FBXW11: variants seen among roughly 807,000 people sequenced by gnomAD.
FBXW11 encodes F-box and WD repeat domain containing 11.
FBXW11 carries 19 observed loss-of-function variants against 77.6 expected under a neutral mutation model. That is an observed-to-expected ratio of 0.24 (90% CI 0.17 to 0.36). The LOEUF is 0.36. Ranked by LOEUF, FBXW11 falls within the 10% of genes least tolerant of loss-of-function variation. FBXW11 has a pLI of 1.00. For synonymous variants in FBXW11, 235 were observed against 249.4 expected, an observed-to-expected ratio of 0.94 and a Z score of 0.54; for missense variants, 334 against 704.2, an observed-to-expected ratio of 0.47 and a Z score of 5.95.
rs1017303550 is a variant in FBXW11 at position 171,878,600 on chromosome 5, G to C, written c.853-471C>G. Among the ~76,000 whole-genome samples the C allele has an allele frequency of 1.3e-3, 145 of 115,606 alleles. No homozygotes were observed. The Middle Eastern group carries it at 0.035, about 28-fold the overall frequency. The allele number at this position is 115,606 out of a possible 152,430, so 75.8% of individuals were successfully genotyped here. On this transcript the variant is annotated intron_variant, in intron 7 of 13. Coordinates refer to ENST00000517395, the MANE Select transcript of FBXW11 (RefSeq NM_001378974.1). Reference sequence around the variant, plus strand: ...TGTGTGTGTGTGTGTGTAAGAGAGAGAGAGTGTGTGTGTGTGTGTGTGTGT... The same window carrying C: ...TGTGTGTGTGTGTGTGTAAGAGAGACAGAGTGTGTGTGTGTGTGTGTGTGT...
chr5:171,982,911 A>G (rs1024000036), intron 1 of FBXW11, among the ~76,000 whole-genome samples: 3 of 152,140 alleles, frequency 2.0e-5, no homozygotes, highest in Non-Finnish European at 2.9e-5. Context: ...AAGCTTCCAT[A>G]AAAACCTAAG....
intron 6 of FBXW11, 56 bp downstream of exon 6, chr5:171,898,948 A>G (rs2113876430): frequency 8.4e-7 from 1 of 1,188,812 alleles, no homozygotes; most frequent in South Asian, 1.4e-5. Context: ...AAGGCAACAT[A>G]AAAAGTTGAG....
chr5:171,862,768 A>T lies in FBXW11; in HGVS notation c.*1359T>A, dbSNP rs1757166285. ...TGGGCTTGAGGCTTCACTCCACTTC[A>T]GAGCACCCACCCCTCAGCATGGGCC... On this transcript the variant is annotated 3_prime_UTR_variant, in exon 14 of 14. Transcript: ENST00000517395. 6.6e-6 allele frequency: 1 copy of T among 152,268 alleles called. No individual in the cohort carries two copies. The highest frequency in any genetic ancestry group is 2.4e-5 in the African/African-American group (1 of 41,446). 9.4% of individuals were successfully genotyped at this position (152,268 alleles called of 1,614,324 possible). A position where few individuals can be genotyped will look rare whatever the true frequency, so the allele number is the denominator to read the frequency against.
At chr5:171,929,292 C>A (rs1762041801) in intron 2 of FBXW11, among the ~76,000 whole-genome samples, 1 of 151,978 alleles carries the variant, frequency 6.6e-6, no homozygotes, top group African/African-American at 2.4e-5. Context: ...ATCACTTGAA[C>A]CCTCAAGGAG....
intron 2 of FBXW11, among the ~76,000 whole-genome samples, chr5:171,924,881 T>TC (rs1246501751): frequency 6.6e-6 from 1 of 150,440 alleles, no homozygotes; most frequent in African/African-American, 2.4e-5. Flanking sequence ...TGTAACACCC[T>TC]CTTTGGGGTC....
chr5:171,932,230 T>C (rs1170774901), intron 2 of FBXW11, among the ~76,000 whole-genome samples: 1 of 152,088 alleles, frequency 6.6e-6, no homozygotes, highest in African/African-American at 2.4e-5. Context: ...ATTTTTAAAA[T>C]GGGCCAAAAA....
Position 171,869,614 on chromosome 5 carries a change from C to G in FBXW11, c.1530+115G>C. On this transcript the variant is annotated intron_variant, in intron 12 of 13. Transcript: ENST00000517395. This position sits in a 1 kb window ranked among gnomAD's most constrained non-coding sequence, Gnocchi z 4.1. ...TAAACAAAATGAAGACTGAAATTCTCTGAAGGCATCTTGTGAGACACACAA... is the reference window on the plus strand; with the variant it reads ...TAAACAAAATGAAGACTGAAATTCTGTGAAGGCATCTTGTGAGACACACAA... 1 of 652,050 alleles carries G rather than the reference C, an allele frequency of 1.5e-6. No individual in the cohort carries two copies. The highest frequency in any genetic ancestry group is 2.5e-6 in the Non-Finnish European group (1 of 408,002). The allele number at this position is 652,050 out of a possible 1,614,324, so 40.4% of individuals were successfully genotyped here.
In FBXW11 at chr5:171,960,017, A is replaced by G. The variant is rs73329840; in HGVS notation, c.46-2319T>C. On this transcript the variant is annotated intron_variant, in intron 1 of 13. Coordinates refer to ENST00000517395, the MANE Select transcript of FBXW11 (RefSeq NM_001378974.1). ...TCTCTATCCAGAGATATTCTTACAC[A>G]TGTTTAATAAAAGAATACTTACATC... Among the ~76,000 whole-genome samples, 82 of 151,870 alleles carry G rather than the reference A, an allele frequency of 5.4e-4. 1 individual carries two copies. Among genetic ancestry groups the G allele is most frequent in the African/African-American group, 1.9e-3 (77 of 41,484 alleles).
At chr5:171,997,164 A>G (rs1405761812) in intron 1 of FBXW11, 23 of 892,544 alleles carry the variant, frequency 2.6e-5, no homozygotes, top group Non-Finnish European at 3.6e-5. Flanking sequence ...GGCACAGGAA[A>G]AAAGTTATAA....
At position 171,904,739 on chromosome 5, in the gene FBXW11, T is replaced by C. The variant is rs1206972279; in HGVS notation, c.437-4639A>G. The stretch of plus-strand genomic sequence containing the variant: ...GGCGCACACCACCATGCCCAGGTAA[T>C]TTTTGTATTTTTAGTACAGATGGGG... On this transcript the variant is annotated intron_variant, in intron 4 of 13. Transcript: ENST00000517395. This position sits in a 1 kb window ranked among gnomAD's most constrained non-coding sequence, Gnocchi z 4.0. Among the ~76,000 whole-genome samples the C allele has an allele frequency of 6.6e-6, 1 of 151,992 alleles. No homozygotes were observed. The highest frequency in any genetic ancestry group is 1.5e-5 in the Non-Finnish European group (1 of 68,002).
At chr5:171,976,379 A>G (rs558864806) in intron 1 of FBXW11, among the ~76,000 whole-genome samples, 1 of 152,282 alleles carries the variant, frequency 6.6e-6, no homozygotes, top group Non-Finnish European at 1.5e-5. Context: ...TTGATATAAG[A>G]TAGTAATTCT....
chr5:171,865,469 A>T (rs908120552), intron 13 of FBXW11, among the ~76,000 whole-genome samples: 2 of 152,244 alleles, frequency 1.3e-5, no homozygotes, highest in Admixed American at 1.3e-4. Flanking sequence ...AACAGAGCAT[A>T]TCCAAACAAT....
chr5:171,975,762 CCTT>C (rs759570316), intron 1 of FBXW11, among the ~76,000 whole-genome samples: 2 of 152,078 alleles, frequency 1.3e-5, no homozygotes, highest in Admixed American at 6.6e-5. Context: ...TCTCCTCCCT[CCTT>C]ATTTTGGCAG....
intron 2 of FBXW11, among the ~76,000 whole-genome samples, chr5:171,916,064 G>T (rs1165898608): frequency 6.6e-6 from 1 of 150,640 alleles, no homozygotes. Flanking sequence ...CACAGGAAGG[G>T]GAACATCACA....
At chr5:171,913,411 TGAA>T (rs1353057688) in intron 3 of FBXW11, among the ~76,000 whole-genome samples, 1 of 152,120 alleles carries the variant, frequency 6.6e-6, no homozygotes, top group Non-Finnish European at 1.5e-5. Context: ...TCATAGTAAA[TGAA>T]GAGCATCCCA....
intron 1 of FBXW11, among the ~76,000 whole-genome samples, chr5:171,965,089 T>C (rs767288915): frequency 2.4e-4 from 36 of 152,182 alleles, no homozygotes; most frequent in Non-Finnish European, 4.3e-4. Flanking sequence ...AAATTTACTA[T>C]CTGCCAAGTT....
chr5:171,952,292 G>A (rs929646763), intron 2 of FBXW11, among the ~76,000 whole-genome samples: 1 of 150,102 alleles, frequency 6.7e-6, no homozygotes, highest in African/African-American at 2.4e-5. Context: ...CGCTACCAAT[G>A]GACGTTTTCT....
chr5:172,005,651 CT>C (rs377444944), intron 1 of FBXW11, among the ~76,000 whole-genome samples: 110 of 149,352 alleles, frequency 7.4e-4, no homozygotes, highest in African/African-American at 2.5e-3. Flanking sequence ...GGATTCCCCT[CT>C]TTTTTTTTTC....
In FBXW11 at chr5:171,899,077, T is replaced by C. The variant is rs1439172439; in HGVS notation, c.641A>G (p.Lys214Arg). The part of the protein sequence containing the change: ...ERRGWDQYLF[K>R]NRPTDGPPNS... ...TGGAGGGCCATCTGTGGGTCTGTTT[T>C]TAAACAGGTACTGATCCCTGGCAAA... is the stretch of plus-strand genomic sequence containing the variant. The change falls in exon 6 of 14, where the codon AAA becomes AGA. Residue 214 changes from lysine (K) to arginine (R), a missense_variant. Around this residue, in one of 10 missense-constraint regions of FBXW11, gnomAD observed 19 missense variants for 16.0 expected, o/e 1.19. Transcript: ENST00000517395. 3 of 1,606,490 alleles carry C rather than the reference T, an allele frequency of 1.9e-6. No individual in the cohort carries two copies. In the African/African-American group the frequency reaches 4.0e-5, roughly 21 times the overall value.
Sources: allele counts gnomAD v4.1 joint callset (sites outside exome capture counted in the v4.1 genomes callset), GRCh38; gene constraint gnomAD v4.1.1; regional missense constraint gnomAD v4.1.1; non-coding constraint Gnocchi (gnomAD v3.1); transcripts MANE v1.5; gene names NCBI Gene and HGNC (gene_info 2026-07-23, HGNC 2026-07-21).